Variants in AKIRIN1 observed in about 807,000 individuals in gnomAD.
AKIRIN1 encodes the protein akirin 1.
A neutral mutation model predicts 25.9 loss-of-function variants in AKIRIN1; 4 were observed. That is an observed-to-expected ratio of 0.15 (90% CI 0.08 to 0.35). The LOEUF is 0.35. Among genes scored for constraint, AKIRIN1 ranks in the 10% least tolerant of loss-of-function variants. AKIRIN1 has a pLI of 1.00. For synonymous variants in AKIRIN1, 125 were observed against 105.1 expected (o/e 1.19, Z -1.16); for missense variants, 243 against 266.1 (o/e 0.91, Z 0.61).
intron 2 of AKIRIN1, 129 bp downstream of exon 2, chr1:38,998,440 T>C: frequency 1.8e-6 from 2 of 1,085,652 alleles, no homozygotes; most frequent in Non-Finnish European, 2.5e-6. Context: ...TTTACAGATA[T>C]TTTTAAAACT....
chr1:38,997,809 A>G (rs981492168), intron 1 of AKIRIN1, among the ~76,000 whole-genome samples: 1 of 152,250 alleles, frequency 6.6e-6, no homozygotes, highest in African/African-American at 2.4e-5. Flanking sequence ...TTAGGTAAAC[A>G]GAGGTTTCTT....
Position 38,991,564 on chromosome 1 carries a change from G to A in AKIRIN1, c.184G>A (p.Ala62Thr). The change falls in exon 1 of 5, where the codon GCC (alanine) becomes ACC (threonine). Residue 62 changes from alanine to threonine, a missense_variant. Transcript: ENST00000432648. ...CCCACCGCAGAGTCTGCAGCAGCCC[G>A]CCCCGCCCGGCAGCGAGCGGCGCCT... Reference protein sequence around the residue: ...QTPPQSLQQPAPPGSERRLPT... With the variant: ...QTPPQSLQQPTPPGSERRLPT... 8.2e-7 allele frequency: 1 copy of A among 1,222,930 alleles called. No individual in the cohort carries two copies. Among genetic ancestry groups the A allele is most frequent in the Admixed American group, 4.3e-5 (1 of 23,458 alleles). The allele number at this position is 1,222,930 out of a possible 1,614,324, so 75.8% of individuals were successfully genotyped here. A position where few individuals can be genotyped will look rare whatever the true frequency, so the allele number is the denominator to read the frequency against.
intron 2 of AKIRIN1, among the ~76,000 whole-genome samples, chr1:38,998,791 A>G (rs1017707583): frequency 3.3e-5 from 5 of 151,918 alleles, no homozygotes; most frequent in Non-Finnish European, 7.4e-5. Context: ...CTGTAATCCC[A>G]GCTACTCGGG....
intron 1 of AKIRIN1, among the ~76,000 whole-genome samples, chr1:38,993,201 C>G (rs1288383508): frequency 2.6e-5 from 4 of 152,310 alleles, no homozygotes; most frequent in Admixed American, 6.5e-5. Context: ...TTATTCAATA[C>G]TACTATCCTC....
At chr1:39,001,920 G>A (rs891237696) in intron 3 of AKIRIN1, among the ~76,000 whole-genome samples, 1 of 152,176 alleles carries the variant, frequency 6.6e-6, no homozygotes, top group African/African-American at 2.4e-5. Context: ...GATGTGGCGA[G>A]TTGGGTGTGA....
At position 39,004,336 on chromosome 1, in the gene AKIRIN1, A is replaced by AT. The variant is rs1557644221; in HGVS notation, c.*281_*282insT. The AT allele has an allele frequency of 1.3e-4, 76 of 588,010 alleles. No homozygotes were observed. The African/African-American group carries it at 1.4e-3, about 11-fold the overall frequency. 36.4% of individuals were successfully genotyped at this position (588,010 alleles called of 1,614,324 possible). ...CAGCAGTTTAGCAAAATATGCCTTC[A>AT]GTGGCATTCAACAAATGGAGTTTCC... On this transcript the variant is annotated 3_prime_UTR_variant, in exon 5 of 5. Transcript: ENST00000432648.
chr1:38,993,857 G>T (rs1053574256), intron 1 of AKIRIN1, among the ~76,000 whole-genome samples: 1 of 151,960 alleles, frequency 6.6e-6, no homozygotes, highest in Admixed American at 6.6e-5. Flanking sequence ...GATCACCTGA[G>T]GTCGGGAGTT....
In AKIRIN1 at chr1:39,000,977, T is replaced by C; in HGVS notation, c.367T>C (p.Ser123Pro). ...TCACTTTTTCTTTTGGCCAGGTTCC[T>C]CATGGATGAAGAAGGACCAGCCCAC... Reference protein sequence around the residue: ...ALTAPSSPGSSWMKKDQPTFT... With the variant: ...ALTAPSSPGSPWMKKDQPTFT... The change falls in exon 3 of 5, where the codon TCA becomes CCA. Residue 123 changes from serine to proline, a missense_variant. Ser to Pro is a moderately conservative substitution (Grantham distance 74). This residue lies in a region of AKIRIN1 where 190 missense variants were observed against 174.4 expected (regional missense o/e 1.09). Coordinates refer to ENST00000432648, the MANE Select transcript of AKIRIN1 (RefSeq NM_024595.3). The C allele has an allele frequency of 1.1e-5, 18 of 1,611,190 alleles. No individual in the cohort carries two copies. The highest frequency in any genetic ancestry group is 1.5e-5 in the Non-Finnish European group (18 of 1,178,844).
At chr1:38,992,508 C>G (rs1286584011) in intron 1 of AKIRIN1, among the ~76,000 whole-genome samples, 4 of 152,180 alleles carry the variant, frequency 2.6e-5, no homozygotes, top group African/African-American at 9.7e-5. Flanking sequence ...ACCTTAGGCT[C>G]ACCGTAAAAT....
chr1:38,996,340 C>T (rs1413016353), intron 1 of AKIRIN1, among the ~76,000 whole-genome samples: 1 of 151,912 alleles, frequency 6.6e-6, no homozygotes, highest in Non-Finnish European at 1.5e-5. Flanking sequence ...CCTGCCTAGG[C>T]CTCCCAAAGT....
At chr1:39,003,808 G>A (rs1644012212) in intron 4 of AKIRIN1, among the ~76,000 whole-genome samples, 1 of 152,144 alleles carries the variant, frequency 6.6e-6, no homozygotes, top group Non-Finnish European at 1.5e-5. Context: ...AGTGTGGTCA[G>A]GATTTCTTAT....
chr1:38,996,294 T>C (rs1643947829), intron 1 of AKIRIN1, among the ~76,000 whole-genome samples: 1 of 152,008 alleles, frequency 6.6e-6, no homozygotes, highest in Non-Finnish European at 1.5e-5. Flanking sequence ...GGTTTCGCCA[T>C]GTTGGTCAGG....
chr1:38,996,663 G>A (rs1643950627), intron 1 of AKIRIN1, among the ~76,000 whole-genome samples: 2 of 152,118 alleles, frequency 1.3e-5, no homozygotes, highest in Admixed American at 6.6e-5. Flanking sequence ...CTGAGTAGCT[G>A]GGACTACAGG....
chr1:38,998,510 T>A (rs185964233), intron 2 of AKIRIN1, among the ~76,000 whole-genome samples, 199 bp downstream of exon 2: 62 of 152,320 alleles, frequency 4.1e-4, no homozygotes, highest in Admixed American at 1.2e-3. Flanking sequence ...ATCCACCCAA[T>A]ACAAGAATAT....
intron 1 of AKIRIN1, among the ~76,000 whole-genome samples, chr1:38,993,613 AAG>A (rs1301035898): frequency 6.8e-6 from 1 of 148,042 alleles, no homozygotes; most frequent in Non-Finnish European, 1.5e-5. Context: ...CCTGGGCCAC[AAG>A]AGCGAAACTC....
intron 4 of AKIRIN1, 64 bp downstream of exon 4, chr1:39,003,482 C>T (rs1644010095): frequency 1.4e-6 from 2 of 1,478,394 alleles, no homozygotes; most frequent in Admixed American, 1.7e-5. Flanking sequence ...TACACTGAAA[C>T]TTCTCTCCTC....
chr1:38,991,686 G>A (rs1215981208), intron 1 of AKIRIN1, 86 bp downstream of exon 1: 1 of 1,151,702 alleles, frequency 8.7e-7, no homozygotes, highest in Non-Finnish European at 1.1e-6. Context: ...GGAATACCAG[G>A]CCAGTTTACC....
chr1:38,994,565 G>C (rs1467040346), intron 1 of AKIRIN1, among the ~76,000 whole-genome samples: 1 of 151,986 alleles, frequency 6.6e-6, no homozygotes, highest in Non-Finnish European at 1.5e-5. Flanking sequence ...GAGTGTAGTG[G>C]CACGATCTTG....
intron 1 of AKIRIN1, 77 bp downstream of exon 1, chr1:38,991,677 G>GGGGCA: frequency 1.0e-5 from 2 of 192,414 alleles, no homozygotes; most frequent in Non-Finnish European, 2.2e-5. Flanking sequence ...GGAGGGTTGG[G>GGGGCA]AATACCAGGC....
Sources: gnomAD v4.1 joint callset for allele counts (sites outside exome capture counted in the v4.1 genomes callset) on GRCh38, gnomAD v4.1.1 for gene constraint, gnomAD v4.1.1 regional missense constraint, MANE v1.5 for transcripts, NCBI Gene and HGNC (gene_info 2026-07-23, HGNC 2026-07-21) for gene names.